The following ZNF559 variants were observed in gnomAD, a reference collection of about 807,000 sequenced individuals.
ZNF559 encodes the protein putative protein product of Nbla00121.
A neutral mutation model predicts 14.2 loss-of-function variants in ZNF559; 17 were observed. That is an observed-to-expected ratio of 1.20 (90% CI 0.82 to 1.80). The LOEUF is 1.80. ZNF559 is among the 40% of genes most tolerant of loss of function. The probability of loss-of-function intolerance (pLI) is 0.00; values close to 1 mark genes in which losing one functional copy is unlikely to be tolerated. For missense variants in ZNF559, 740 were observed against 629.7 expected (o/e 1.18, Z -1.88); for synonymous variants, 244 against 212.4 (o/e 1.15, Z -1.29).
Position 9,342,629 on chromosome 19 carries a change from C to T in ZNF559, c.1178C>T (p.Ser393Phe), listed in dbSNP as rs1568369359. Residue 393 changes from serine (S) to phenylalanine (F), a missense_variant, in exon 7 of 7, where the codon TCC (serine) becomes TTC (phenylalanine). Physicochemically the swap from Ser to Phe is radical, Grantham distance 155 (BLOSUM62 -2). Coordinates refer to ENST00000603380, the MANE Select transcript of ZNF559 (RefSeq NM_032497.3). Reference protein sequence around the residue: ...CKECGKAFINSSSFKSHMQTH... With the variant: ...CKECGKAFINFSSFKSHMQTH... Reference sequence around the variant, plus strand: ...GAATGTGGAAAAGCCTTTATTAATTCCTCTTCCTTTAAAAGTCACATGCAG... The same window carrying T: ...GAATGTGGAAAAGCCTTTATTAATTTCTCTTCCTTTAAAAGTCACATGCAG... 2 of 1,614,042 alleles carry T rather than the reference C, an allele frequency of 1.2e-6. No homozygotes were observed. Among genetic ancestry groups the T allele is most frequent in the Non-Finnish European group, 1.7e-6 (2 of 1,180,010 alleles).
At chr19:9,336,232 G>A (rs2067231075) in intron 2 of ZNF559, among the ~76,000 whole-genome samples, 1 of 152,124 alleles carries the variant, frequency 6.6e-6, no homozygotes, top group Non-Finnish European at 1.5e-5. Flanking sequence ...GGTAGGGGAG[G>A]TGGAGGATGA....
Position 9,342,700 on chromosome 19 carries a change from GCCTT to G in ZNF559, c.1251_1254del (p.Ile419AspfsTer9). Reference sequence around the variant, plus strand: ...CTATGACTGTCAACAGTGTGGGAAAGCCTTCATTCGATCCTCATTTCTTATTCGA... The same window carrying G: ...CTATGACTGTCAACAGTGTGGGAAAGCATTCGATCCTCATTTCTTATTCGA... On this transcript the variant is annotated frameshift_variant, in exon 7 of 7. Transcript: ENST00000603380. LOFTEE classifies it low-confidence loss of function (END_TRUNC). 1 of 1,614,206 alleles carries G rather than the reference GCCTT, an allele frequency of 6.2e-7. No homozygotes were observed. Among genetic ancestry groups the G allele is most frequent in the Non-Finnish European group, 8.5e-7 (1 of 1,180,038 alleles).
upstream of ZNF559, chr19:9,324,093 C>T: frequency 1.4e-6 from 2 of 1,476,994 alleles, no homozygotes; most frequent in Non-Finnish European, 1.8e-6. Flanking sequence ...GAAAAAGCCG[C>T]AGCAGCTGAT....
upstream of ZNF559, chr19:9,324,046 G>T: frequency 1.9e-6 from 2 of 1,053,090 alleles, no homozygotes. Context: ...TGCGCTCTTC[G>T]GGGAGGTAAA....
chr19:9,338,714 C>G, intron 4 of ZNF559, 132 bp downstream of exon 4: 1 of 656,824 alleles, frequency 1.5e-6, no homozygotes, highest in South Asian at 1.9e-5. Flanking sequence ...CATCAAACTT[C>G]TTCGGACCAC....
intron 2 of ZNF559, among the ~76,000 whole-genome samples, chr19:9,335,153 ATT>A (rs1349868479): frequency 0.016 from 2,058 of 130,782 alleles, 65 homozygotes; most frequent in African/African-American, 0.058. Flanking sequence ...AAAAAAAAAA[ATT>A]AGCTGGTCAT....
chr19:9,332,719 A>T (rs946619861), intron 2 of ZNF559, among the ~76,000 whole-genome samples: 1 of 152,194 alleles, frequency 6.6e-6, no homozygotes, highest in Admixed American at 6.5e-5. Flanking sequence ...GTAAGATTTA[A>T]TTATGATTTC....
chr19:9,335,022 G>C (rs1032869187), intron 2 of ZNF559, among the ~76,000 whole-genome samples: 2 of 151,944 alleles, frequency 1.3e-5, no homozygotes, highest in African/African-American at 4.8e-5. Context: ...TGTAGTCCCA[G>C]CTACTCGGGA....
chr19:9,329,653 A>C (rs1206117333), intron 2 of ZNF559, among the ~76,000 whole-genome samples: 1 of 152,114 alleles, frequency 6.6e-6, no homozygotes, highest in Non-Finnish European at 1.5e-5. Flanking sequence ...TGTAGCCAGG[A>C]GATAGTTGGA....
upstream of ZNF559, chr19:9,324,002 C>G (rs1353931466): frequency 4.6e-6 from 3 of 654,032 alleles, no homozygotes; most frequent in Non-Finnish European, 7.8e-6. Flanking sequence ...GTAACCTGGA[C>G]AGCTTGCAGT....
At chr19:9,326,213 G>T (rs367561887) in intron 2 of ZNF559, among the ~76,000 whole-genome samples, 1 of 143,642 alleles carries the variant, frequency 7.0e-6, no homozygotes, top group African/African-American at 2.6e-5. Flanking sequence ...GCGTTCAAGC[G>T]ATTCTCCTGA....
chr19:9,324,286 A>C lies in ZNF559; in HGVS notation c.-206+58A>C, dbSNP rs1320569855. 15 of 1,535,820 alleles carry C rather than the reference A, an allele frequency of 9.8e-6. 1 individual carries two copies. The East Asian group carries it at 2.0e-4, about 20-fold the overall frequency. On this transcript the variant is annotated intron_variant, in intron 1 of 6. Coordinates refer to ENST00000603380, the MANE Select transcript of ZNF559 (RefSeq NM_032497.3). ...TGTCCCGGTGCAGCCACGCGAGAGTAGAAGGGTGGAAAGGGGAGGTGCCCA... is the reference window on the plus strand; with the variant it reads ...TGTCCCGGTGCAGCCACGCGAGAGTCGAAGGGTGGAAAGGGGAGGTGCCCA...
chr19:9,337,913 C>T lies in ZNF559; in HGVS notation c.-57+55C>T, dbSNP rs927901939. On this transcript the variant is annotated intron_variant, in intron 3 of 6. Coordinates refer to ENST00000603380, the MANE Select transcript of ZNF559 (RefSeq NM_032497.3). ...ATCAAGAGGAATTGAGATTGACTTA[C>T]CCATAAGTTCAGACAGTGTCTCGAA... 3.9e-6 allele frequency: 6 copies of T among 1,534,906 alleles called. No individual in the cohort carries two copies. The African/African-American group carries it at 4.1e-5, about 11-fold the overall frequency.
intron 3 of ZNF559, 23 bp downstream of exon 3, chr19:9,337,881 C>G: frequency 6.5e-7 from 1 of 1,528,058 alleles, no homozygotes; most frequent in Non-Finnish European, 8.8e-7. Context: ...ACTCCCACTA[C>G]TACTTAATCA....
intron 2 of ZNF559, among the ~76,000 whole-genome samples, chr19:9,327,034 A>G (rs1489352750): frequency 6.6e-6 from 1 of 152,154 alleles, no homozygotes; most frequent in African/African-American, 2.4e-5. Flanking sequence ...TCCATTTTCT[A>G]GGTAATGTAC....
chr19:9,338,021 A>T (rs1368953807), intron 3 of ZNF559, 163 bp downstream of exon 3: 3 of 1,535,850 alleles, frequency 2.0e-6, no homozygotes, highest in Middle Eastern at 3.3e-4. Context: ...CTTTGTGGTA[A>T]GTCCGTATTG....
At chr19:9,332,312 ATTATC>A (rs1413769260) in intron 2 of ZNF559, among the ~76,000 whole-genome samples, 1 of 151,540 alleles carries the variant, frequency 6.6e-6, no homozygotes, top group Non-Finnish European at 1.5e-5. Flanking sequence ...AACTTGATGT[ATTATC>A]TTTTCATATA....
At chr19:9,333,549 C>T (rs547053709) in intron 2 of ZNF559, among the ~76,000 whole-genome samples, 80 of 152,158 alleles carry the variant, frequency 5.3e-4, no homozygotes, top group Middle Eastern at 3.4e-3. Flanking sequence ...ATTAGCTGGA[C>T]ATGGTGGCAC....
chr19:9,324,847 G>T, intron 2 of ZNF559, 67 bp downstream of exon 2: 1 of 1,372,368 alleles, frequency 7.3e-7, no homozygotes, highest in Non-Finnish European at 1.0e-6. Context: ...GTGTCGAGGT[G>T]GAAAGAAACC....
Sources: allele counts gnomAD v4.1 joint callset (sites outside exome capture counted in the v4.1 genomes callset), GRCh38; gene constraint gnomAD v4.1.1; transcripts MANE v1.5; gene names NCBI Gene and HGNC (gene_info 2026-07-23, HGNC 2026-07-21).